SOCS5: variants seen among roughly 807,000 people sequenced by gnomAD.
SOCS5 encodes CIS-6.
In SOCS5, 32 loss-of-function variants were observed where a neutral mutation model predicts 42.8. The ratio of observed to expected loss-of-function variants is 0.75; its 90% confidence interval spans 0.56 to 1.01. The LOEUF (loss-of-function observed/expected upper bound fraction) is 1.01, where lower values mean the gene tolerates loss of function less well. Among genes scored for constraint, SOCS5 ranks in the 50% least tolerant of loss-of-function variants. The pLI, the probability that SOCS5 is intolerant of heterozygous loss-of-function variation, is 0.00. For missense variants in SOCS5, 627 were observed against 653.0 expected, an observed-to-expected ratio of 0.96 and a Z score of 0.43; for synonymous variants, 283 against 229.6, an observed-to-expected ratio of 1.23 and a Z score of -2.10.
At chr2:46,712,755 C>A (rs1444483377) in intron 1 of SOCS5, among the ~76,000 whole-genome samples, 2 of 152,182 alleles carry the variant, frequency 1.3e-5, no homozygotes, top group African/African-American at 4.8e-5. Flanking sequence ...ATTAAACCAA[C>A]CTTGCATTCT....
Position 46,758,607 on chromosome 2 carries a change from G to C in SOCS5, c.77G>C (p.Arg26Pro). Residue 26 changes from arginine (R) to proline (P), a missense_variant, in exon 2 of 2, where the codon CGT (arginine) becomes CCT (proline). Arg to Pro is a moderately radical substitution (Grantham distance 103). Coordinates refer to ENST00000394861, the MANE Select transcript of SOCS5 (RefSeq NM_144949.3). ...QNLFGHEGGS[R>P]SENVDMNSNR... ...CTCTTCGGTCATGAGGGAGGAAGCC[G>C]TAGTGAAAATGTGGACATGAACTCC... The C allele has an allele frequency of 6.2e-7, 1 of 1,613,710 alleles. No individual in the cohort carries two copies. Among genetic ancestry groups the C allele is most frequent in the Non-Finnish European group, 8.5e-7 (1 of 1,179,648 alleles).
intron 1 of SOCS5, among the ~76,000 whole-genome samples, chr2:46,745,075 A>G (rs1209786865): frequency 6.6e-6 from 1 of 152,100 alleles, no homozygotes; most frequent in Non-Finnish European, 1.5e-5. Context: ...TCAAACAATT[A>G]TGATGCAAAC....
intron 1 of SOCS5, among the ~76,000 whole-genome samples, chr2:46,715,225 G>A (rs376765608): frequency 9.3e-4 from 141 of 151,938 alleles, no homozygotes; most frequent in African/African-American, 3.3e-3. Context: ...ACAAAAATTA[G>A]CCAGACATGG....
chr2:46,751,558 G>A (rs1164219447), intron 1 of SOCS5, among the ~76,000 whole-genome samples: 1 of 151,954 alleles, frequency 6.6e-6, no homozygotes, highest in Non-Finnish European at 1.5e-5. Flanking sequence ...TCTAGGTGGT[G>A]GGACTTCAAG....
chr2:46,722,061 A>G (rs907675652), intron 1 of SOCS5, among the ~76,000 whole-genome samples: 7 of 151,988 alleles, frequency 4.6e-5, no homozygotes, highest in Admixed American at 6.6e-5. Flanking sequence ...TTAAACTTCT[A>G]TTTGATTGTA....
chr2:46,734,299 G>T (rs1014697592), intron 1 of SOCS5, among the ~76,000 whole-genome samples: 4 of 151,988 alleles, frequency 2.6e-5, no homozygotes, highest in Admixed American at 2.6e-4. Context: ...ACCTTTAAAA[G>T]CACTGATTTT....
At chr2:46,723,174 A>G (rs913972512) in intron 1 of SOCS5, among the ~76,000 whole-genome samples, 1 of 152,002 alleles carries the variant, frequency 6.6e-6, no homozygotes, top group South Asian at 2.1e-4. Flanking sequence ...TCCAGTTCAT[A>G]ATTTTTTTTT....
intron 1 of SOCS5, among the ~76,000 whole-genome samples, chr2:46,705,431 G>C (rs983203089): frequency 6.6e-6 from 1 of 152,192 alleles, no homozygotes; most frequent in East Asian, 1.9e-4. Flanking sequence ...CTTTTCGGTA[G>C]AGAGAAATCC....
rs1673781504 is a variant in SOCS5, at chr2:46,758,635, C to G, written c.105C>G (p.Asn35Lys). The G allele has an allele frequency of 3.7e-6, 6 of 1,614,016 alleles. 1 individual carries two copies. In the East Asian group the frequency reaches 1.3e-4, roughly 36 times the overall value. ...SRSENVDMNS[N>K]RCLSVKEKNI... The stretch of plus-strand genomic sequence containing the variant: ...GTGAAAATGTGGACATGAACTCCAA[C>G]AGATGTTTGTCTGTCAAAGAGAAAA... The change falls in exon 2 of 2, where the codon AAC becomes AAG. Residue 35 changes from asparagine to lysine, a missense_variant. Coordinates refer to ENST00000394861, the MANE Select transcript of SOCS5 (RefSeq NM_144949.3).
chr2:46,714,722 C>T (rs1007654655), intron 1 of SOCS5, among the ~76,000 whole-genome samples: 1 of 152,134 alleles, frequency 6.6e-6, no homozygotes, highest in Non-Finnish European at 1.5e-5. Flanking sequence ...TGGTTTAGAC[C>T]ATTTGCACTT....
intron 1 of SOCS5, among the ~76,000 whole-genome samples, chr2:46,758,040 G>GGA (rs1348873338): frequency 6.6e-6 from 1 of 152,140 alleles, no homozygotes; most frequent in African/African-American, 2.4e-5. Context: ...AGAATTGCAA[G>GGA]GAACCAGTTA....
chr2:46,717,390 T>C (rs1329589871), intron 1 of SOCS5, among the ~76,000 whole-genome samples: 1 of 152,160 alleles, frequency 6.6e-6, no homozygotes, highest in South Asian at 2.1e-4. Flanking sequence ...TTGTTTGGTA[T>C]TTTGTCTAGT....
chr2:46,746,998 G>A (rs1031420438), intron 1 of SOCS5, among the ~76,000 whole-genome samples: 8 of 135,122 alleles, frequency 5.9e-5, no homozygotes, highest in Non-Finnish European at 3.1e-5. Flanking sequence ...GGCCATCAGT[G>A]ATTACATATC....
At chr2:46,710,997 G>A (rs1322218319) in intron 1 of SOCS5, among the ~76,000 whole-genome samples, 1 of 152,142 alleles carries the variant, frequency 6.6e-6, no homozygotes, top group African/African-American at 2.4e-5. Flanking sequence ...GTTCATCCAT[G>A]TTACATATAA....
At chr2:46,746,592 A>G (rs1202650235) in intron 1 of SOCS5, among the ~76,000 whole-genome samples, 1 of 151,726 alleles carries the variant, frequency 6.6e-6, no homozygotes, top group Non-Finnish European at 1.5e-5. Context: ...TAGAGGTTGC[A>G]GTGAGCCGAG....
intron 1 of SOCS5, among the ~76,000 whole-genome samples, chr2:46,704,198 G>A (rs1672409281): frequency 6.6e-6 from 1 of 152,068 alleles, no homozygotes; most frequent in Admixed American, 6.6e-5. Flanking sequence ...ATTTGAAATG[G>A]GCTTATGTGC....
At chr2:46,733,785 TTTTGGTGCCTG>T (rs1673180906) in intron 1 of SOCS5, among the ~76,000 whole-genome samples, 1 of 152,106 alleles carries the variant, frequency 6.6e-6, no homozygotes, top group South Asian at 2.1e-4. Flanking sequence ...TTAGCAAGTG[TTTTGGTGCCTG>T]TTACAGAGTA....
In SOCS5 at chr2:46,758,646, C is replaced by G; in HGVS notation, c.116C>G (p.Ser39Cys). The change falls in exon 2 of 2, where the codon TCT (serine) becomes TGT (cysteine). Residue 39 changes from serine (S) to cysteine (C), a missense_variant. This residue lies in a region of SOCS5 where 278 missense variants were observed against 246.3 expected (regional missense o/e 1.13). Transcript: ENST00000394861. ...GACATGAACTCCAACAGATGTTTGT[C>G]TGTCAAAGAGAAAAACATCAGCATA... ...NVDMNSNRCL[S>C]VKEKNISIGD... 2 of 1,614,062 alleles carry G rather than the reference C, an allele frequency of 1.2e-6. No homozygotes were observed. The highest frequency in any genetic ancestry group is 1.3e-5 in the African/African-American group (1 of 75,034).
rs139024335 is a variant in SOCS5, at chr2:46,759,557, A to C, written c.1027A>C (p.Ile343Leu). The C allele has an allele frequency of 4.3e-6, 7 of 1,613,988 alleles. No homozygotes were observed. Among genetic ancestry groups the C allele is most frequent in the Non-Finnish European group, 5.9e-6 (7 of 1,179,864 alleles). ...LQSRRQKQRQ[I>L]SGDSHTHVSR... Reference sequence around the variant, plus strand: ...GTCACGGAGGCAGAAGCAGCGTCAGATATCTGGAGACAGCCATACCCATGT... The same window carrying C: ...GTCACGGAGGCAGAAGCAGCGTCAGCTATCTGGAGACAGCCATACCCATGT... The change falls in exon 2 of 2, where the codon ATA (isoleucine) becomes CTA (leucine). Residue 343 changes from isoleucine to leucine, a missense_variant. This residue lies in a region of SOCS5 where 340 missense variants were observed against 367.6 expected (regional missense o/e 0.92). Coordinates refer to ENST00000394861, the MANE Select transcript of SOCS5 (RefSeq NM_144949.3).
Sources: gnomAD v4.1 joint callset for allele counts (sites outside exome capture counted in the v4.1 genomes callset) on GRCh38, gnomAD v4.1.1 for gene constraint, gnomAD v4.1.1 regional missense constraint, MANE v1.5 for transcripts, NCBI Gene and HGNC (gene_info 2026-07-23, HGNC 2026-07-21) for gene names.